The following RBFOX3 variants were observed in gnomAD, a reference collection of about 807,000 sequenced individuals.
RBFOX3 encodes the protein RNA binding protein fox-1 homolog 3.
A neutral mutation model predicts 48.7 loss-of-function variants in RBFOX3; 17 were observed. The ratio of observed to expected loss-of-function variants is 0.35; its 90% CI spans 0.24 to 0.52. The LOEUF is 0.52. RBFOX3 is among the 20% of genes least tolerant of loss of function. RBFOX3 has a pLI of 0.94. For missense variants in RBFOX3, 382 were observed against 497.5 expected, an observed-to-expected ratio of 0.77 and a Z score of 2.21; for synonymous variants, 212 against 209.5, an observed-to-expected ratio of 1.01 and a Z score of -0.10.
chr17:79,444,703 T>A (rs1209122426), intron 2 of RBFOX3, among the ~76,000 whole-genome samples: 1 of 151,918 alleles, frequency 6.6e-6, no homozygotes, highest in Non-Finnish European at 1.5e-5. Context: ...CCGCATTTGC[T>A]CCAAACTAAA....
At chr17:79,633,083 T>C in the RBFOX3 span, among the ~76,000 whole-genome samples, 1 of 152,244 alleles carries the variant, frequency 6.6e-6, no homozygotes, top group Non-Finnish European at 1.5e-5. Flanking sequence ...CAAGGAGAGT[T>C]TCTCCTAAAG....
chr17:79,307,249 C>T (rs553958623), intron 3 of RBFOX3, among the ~76,000 whole-genome samples: 26 of 152,240 alleles, frequency 1.7e-4, no homozygotes, highest in East Asian at 1.5e-3. Context: ...GTGCCCGGGA[C>T]GAGCTCCACC....
rs2058764383 is a variant in RBFOX3, at chr17:79,214,539, C to T, written c.-34+21227G>A. 6.6e-6 allele frequency among the ~76,000 whole-genome samples: 1 copy of T among 151,024 alleles called. No homozygotes were observed. Among genetic ancestry groups the T allele is most frequent in the Non-Finnish European group, 1.5e-5 (1 of 67,762 alleles). ...ATGGGAGAAGAGGGGCTCCCTGGGG[C>T]AGGCCAAGTGGGAGGGATGTCTGGG... On this transcript the variant is annotated intron_variant, in intron 4 of 14. Coordinates refer to ENST00000693108, the MANE Select transcript of RBFOX3 (RefSeq NM_001350451.2). This position sits in a 1 kb window ranked among gnomAD's most constrained non-coding sequence, Gnocchi z 4.7.
At chr17:79,547,644 G>A (rs782533100) in intron 1 of RBFOX3, among the ~76,000 whole-genome samples, 17 of 152,092 alleles carry the variant, frequency 1.1e-4, no homozygotes, top group African/African-American at 3.4e-4. Context: ...CTTCACTTTC[G>A]GGGAACATCC....
chr17:79,171,160 G>A, intron 4 of RBFOX3, among the ~76,000 whole-genome samples: 1 of 152,260 alleles, frequency 6.6e-6, no homozygotes, highest in East Asian at 1.9e-4. Flanking sequence ...AGCATGAAAA[G>A]AGAATGCCAA....
chr17:79,630,028 T>C, the RBFOX3 span, among the ~76,000 whole-genome samples: 1 of 152,226 alleles, frequency 6.6e-6, no homozygotes, highest in South Asian at 2.1e-4. Flanking sequence ...ATTCTAAATT[T>C]TCTACATTGG....
intron 2 of RBFOX3, 109 bp from the exon 3 acceptor site, chr17:79,307,933 CAG>C (rs2076306818): frequency 2.0e-5 from 3 of 153,538 alleles, no homozygotes; most frequent in African/African-American, 7.2e-5. Flanking sequence ...TATTACAGGA[CAG>C]AGTGTCACGG....
intron 4 of RBFOX3, among the ~76,000 whole-genome samples, chr17:79,176,184 CCT>C (rs2050501845): frequency 6.6e-6 from 1 of 152,200 alleles, no homozygotes; most frequent in South Asian, 2.1e-4. Context: ...CTGTGGATTC[CCT>C]GAGCTGTGCA....
intron 1 of RBFOX3, among the ~76,000 whole-genome samples, chr17:79,495,996 T>C (rs1244197370): frequency 1.3e-5 from 2 of 151,448 alleles, no homozygotes; most frequent in Admixed American, 6.6e-5. Context: ...GTTAATAAGA[T>C]TAGGATGTTG....
chr17:79,383,110 C>T (rs1469631873), intron 2 of RBFOX3, among the ~76,000 whole-genome samples: 2 of 151,634 alleles, frequency 1.3e-5, no homozygotes, highest in African/African-American at 4.9e-5. Flanking sequence ...TCACCAGAGC[C>T]CTGGGGTCCA....
chr17:79,445,907 G>A (rs2072174217), intron 2 of RBFOX3, among the ~76,000 whole-genome samples: 1 of 152,180 alleles, frequency 6.6e-6, no homozygotes, highest in Admixed American at 6.5e-5. Flanking sequence ...ACCAGGGGTG[G>A]GTTTGCCCCT....
chr17:79,289,741 G>T (rs2144806306), intron 3 of RBFOX3, among the ~76,000 whole-genome samples: 1 of 152,350 alleles, frequency 6.6e-6, no homozygotes, highest in Non-Finnish European at 1.5e-5. Flanking sequence ...CCAGAAAGTG[G>T]CGTATTTTAT....
In RBFOX3 at chr17:79,535,025, G is replaced by A. The variant is rs1555788381; in HGVS notation, c.-319-52427C>T. 6.6e-6 allele frequency among the ~76,000 whole-genome samples: 1 copy of A among 152,198 alleles called. No homozygotes were observed. Among genetic ancestry groups the A allele is most frequent in the African/African-American group, 2.4e-5 (1 of 41,436 alleles). ...AGCTGAATCGGTTAGGATGCTTTCA[G>A]CTGCACCCAACAGAAACCTGACCCA... On this transcript the variant is annotated intron_variant, in intron 1 of 14. Transcript: ENST00000693108. The surrounding 1 kb of genome is among the most constrained non-coding windows in gnomAD (Gnocchi z 4.5).
intron 2 of RBFOX3, among the ~76,000 whole-genome samples, chr17:79,463,518 C>A (rs1555751036): frequency 7.1e-6 from 1 of 141,028 alleles, no homozygotes; most frequent in African/African-American, 2.7e-5. Context: ...ACTGCCACCT[C>A]CACCATCGCC....
At chr17:79,193,355 A>G (rs1364104054) in intron 4 of RBFOX3, among the ~76,000 whole-genome samples, 1 of 152,198 alleles carries the variant, frequency 6.6e-6, no homozygotes, top group Admixed American at 6.5e-5. Flanking sequence ...TTCCCGGATC[A>G]GACTCTGATC....
chr17:79,573,048 C>T (rs985106479), intron 1 of RBFOX3, among the ~76,000 whole-genome samples: 13 of 152,216 alleles, frequency 8.5e-5, no homozygotes, highest in Admixed American at 1.3e-4. Context: ...TTTACCTGGG[C>T]GTCCTGGGTA....
At chr17:79,145,390 T>C (rs2042820089) in intron 4 of RBFOX3, among the ~76,000 whole-genome samples, 1 of 152,220 alleles carries the variant, frequency 6.6e-6, no homozygotes, top group South Asian at 2.1e-4. Flanking sequence ...AACATACTGG[T>C]GCCTGGGTGC....
At chr17:79,656,359 A>G in the RBFOX3 span, among the ~76,000 whole-genome samples, 2 of 152,182 alleles carry the variant, frequency 1.3e-5, no homozygotes, top group East Asian at 3.9e-4. Flanking sequence ...CACACCTGTA[A>G]TCCCAGCACT....
At position 79,423,504 on chromosome 17, in the gene RBFOX3, T is replaced by A. The variant is rs2066807505; in HGVS notation, c.-175+58950A>T. On this transcript the variant is annotated intron_variant, in intron 2 of 14. Coordinates refer to ENST00000693108, the MANE Select transcript of RBFOX3 (RefSeq NM_001350451.2). This position sits in a 1 kb window ranked among gnomAD's most constrained non-coding sequence, Gnocchi z 4.9. ...AGATTCCTTTAAAATAGAAGTCACA[T>A]CCTGCCAGCGCTGCCGGTACCCAGC... Among the ~76,000 whole-genome samples, 1 of 151,950 alleles carries A rather than the reference T, an allele frequency of 6.6e-6. No individual in the cohort carries two copies. The highest frequency in any genetic ancestry group is 2.1e-4 in the South Asian group (1 of 4,818).
Sources: allele counts gnomAD v4.1 joint callset (sites outside exome capture counted in the v4.1 genomes callset), GRCh38; gene constraint gnomAD v4.1.1; non-coding constraint Gnocchi (gnomAD v3.1); transcripts MANE v1.5; gene names NCBI Gene and HGNC (gene_info 2026-07-23, HGNC 2026-07-21).